Variants in CSMD3 observed in about 807,000 individuals in gnomAD.
CSMD3 encodes CUB and sushi domain-containing protein 3.
CSMD3 carries 177 observed loss-of-function variants against 435.2 expected under a neutral mutation model. The observed-to-expected ratio is 0.41, with a 90% CI of 0.36 to 0.46. The LOEUF (loss-of-function observed/expected upper bound fraction) is 0.46, where lower values mean the gene tolerates loss of function less well. Among genes scored for constraint, CSMD3 ranks in the 20% least tolerant of loss-of-function variants. The pLI, the probability that CSMD3 is intolerant of heterozygous loss-of-function variation, is 0.34. For synonymous variants in CSMD3, 1,656 were observed against 1,520.5 expected, an observed-to-expected ratio of 1.09 and a Z score of -2.07; for missense variants, 4,265 against 4,504.6, an observed-to-expected ratio of 0.95 and a Z score of 1.52.
At chr8:112,337,442 A>G in intron 43 of CSMD3, 101 bp downstream of exon 43, 1 of 881,730 alleles carries the variant, frequency 1.1e-6, no homozygotes, top group Non-Finnish European at 1.9e-6. Flanking sequence ...GAGACTATAT[A>G]TTTAGCATGC....
At chr8:112,296,624 T>C (rs1159579325) in intron 53 of CSMD3, among the ~76,000 whole-genome samples, 2 of 151,720 alleles carry the variant, frequency 1.3e-5, no homozygotes, top group South Asian at 4.1e-4. Flanking sequence ...GCATTACTTA[T>C]TAAAGAAATT....
chr8:112,998,634 C>A (rs2085743356), intron 6 of CSMD3, among the ~76,000 whole-genome samples: 1 of 151,932 alleles, frequency 6.6e-6, no homozygotes, highest in African/African-American at 2.4e-5. Context: ...TAAATTTCAT[C>A]ACTGCAATAA....
intron 1 of CSMD3, among the ~76,000 whole-genome samples, chr8:113,370,225 C>T (rs2094338792): frequency 6.6e-6 from 1 of 150,658 alleles, no homozygotes. Context: ...TAAAAAAACA[C>T]ATAAAAGGAT....
At chr8:112,229,639 T>C (rs1563660522) in intron 69 of CSMD3, among the ~76,000 whole-genome samples, 1 of 152,132 alleles carries the variant, frequency 6.6e-6, no homozygotes, top group South Asian at 2.1e-4. Context: ...ATGTTGCCCA[T>C]GCTGGTCTTG....
At chr8:112,917,625 T>A (rs2082612404) in intron 10 of CSMD3, among the ~76,000 whole-genome samples, 1 of 151,944 alleles carries the variant, frequency 6.6e-6, no homozygotes, top group Non-Finnish European at 1.5e-5. Flanking sequence ...ATTGTCTCCA[T>A]CCATAAAGCG....
At chr8:112,550,602 G>A (rs1215907529) in intron 27 of CSMD3, 69 bp downstream of exon 27, 2 of 822,584 alleles carry the variant, frequency 2.4e-6, no homozygotes, top group African/African-American at 1.7e-5. Context: ...ATTTTGAACA[G>A]TAAAGTTAAC....
intron 32 of CSMD3, among the ~76,000 whole-genome samples, chr8:112,467,154 T>C (rs1481810929): frequency 1.3e-5 from 2 of 152,230 alleles, no homozygotes; most frequent in South Asian, 2.1e-4. Context: ...TTACTTCAGA[T>C]GATTTAGGGA....
At chr8:112,518,630 G>A (rs990821278) in intron 27 of CSMD3, among the ~76,000 whole-genome samples, 2 of 110,666 alleles carry the variant, frequency 1.8e-5, no homozygotes, top group African/African-American at 3.1e-5. Flanking sequence ...GTGTGTGTGT[G>A]AGAGAGAGAG....
intron 12 of CSMD3, among the ~76,000 whole-genome samples, chr8:112,812,384 G>C (rs1377908334): frequency 1.3e-5 from 2 of 152,152 alleles, no homozygotes; most frequent in Non-Finnish European, 2.9e-5. Flanking sequence ...CATGCAGACA[G>C]CCCACCCCAA....
chr8:113,087,462 A>G (rs2089834873), intron 5 of CSMD3, among the ~76,000 whole-genome samples: 1 of 152,226 alleles, frequency 6.6e-6, no homozygotes, highest in South Asian at 2.1e-4. Flanking sequence ...AAACTACACT[A>G]CAAGGCTACA....
At chr8:112,246,919 T>C in intron 64 of CSMD3, 101 bp downstream of exon 64, 2 of 833,244 alleles carry the variant, frequency 2.4e-6, no homozygotes, top group Non-Finnish European at 4.1e-6. Context: ...TAAAAGTCAA[T>C]TTGATACACA....
chr8:113,336,534 CTGG>C (rs2094076405), intron 1 of CSMD3, among the ~76,000 whole-genome samples: 1 of 152,074 alleles, frequency 6.6e-6, no homozygotes, highest in African/African-American at 2.4e-5. Context: ...CTAAGGAACT[CTGG>C]ATTGTATTAC....
chr8:112,432,151 G>C (rs1586303734), intron 32 of CSMD3, among the ~76,000 whole-genome samples: 1 of 152,144 alleles, frequency 6.6e-6, no homozygotes, highest in South Asian at 2.1e-4. Context: ...CAAGGCAGAG[G>C]GTAAAGCTAA....
intron 56 of CSMD3, among the ~76,000 whole-genome samples, chr8:112,290,735 A>T (rs2130668512): frequency 6.6e-6 from 1 of 152,142 alleles, no homozygotes; most frequent in African/African-American, 2.4e-5. Flanking sequence ...ATTTCTTCAC[A>T]CGCTATTCAT....
chr8:113,371,313 T>G (rs1158883802), intron 1 of CSMD3, among the ~76,000 whole-genome samples: 1 of 152,054 alleles, frequency 6.6e-6, no homozygotes, highest in Non-Finnish European at 1.5e-5. Flanking sequence ...AGTGGAATAT[T>G]GGGAATATCA....
At chr8:113,215,087 C>T (rs551297281) in intron 3 of CSMD3, among the ~76,000 whole-genome samples, 6 of 151,810 alleles carry the variant, frequency 4.0e-5, no homozygotes, top group South Asian at 2.1e-4. Flanking sequence ...CTCATATATT[C>T]GTAATAAAAT....
intron 23 of CSMD3, among the ~76,000 whole-genome samples, chr8:112,573,882 T>C (rs972992800): frequency 1.3e-5 from 2 of 152,030 alleles, no homozygotes; most frequent in Non-Finnish European, 2.9e-5. Flanking sequence ...TAAGTAATAC[T>C]TGAATCAGGT....
chr8:112,842,614 A>T (rs2080211569), intron 11 of CSMD3, among the ~76,000 whole-genome samples: 1 of 151,810 alleles, frequency 6.6e-6, no homozygotes, highest in South Asian at 2.1e-4. Context: ...GAGTCATAAG[A>T]AATTAAATTA....
At chr8:113,282,090 C>T (rs1051046577) in intron 2 of CSMD3, among the ~76,000 whole-genome samples, 4 of 151,772 alleles carry the variant, frequency 2.6e-5, no homozygotes, top group Non-Finnish European at 4.4e-5. Flanking sequence ...GTAATAAAAG[C>T]CATCTATGAC....
Sources: allele counts gnomAD v4.1 joint callset (sites outside exome capture counted in the v4.1 genomes callset), GRCh38; gene constraint gnomAD v4.1.1; transcripts MANE v1.5; gene names NCBI Gene and HGNC (gene_info 2026-07-23, HGNC 2026-07-21).